The following USP44 variants were observed in gnomAD, a reference collection of about 807,000 sequenced individuals.
USP44 encodes the protein ubiquitin specific peptidase 44.
A neutral mutation model predicts 69.0 loss-of-function variants in USP44; 61 were observed. The ratio of observed to expected loss-of-function variants is 0.88; its 90% CI spans 0.72 to 1.09. The LOEUF (loss-of-function observed/expected upper bound fraction) is 1.09. Ranked by LOEUF, USP44 falls within the 50% of genes least tolerant of loss-of-function variation. USP44 has a pLI of 0.00. For missense variants in USP44, 753 were observed against 849.9 expected, an observed-to-expected ratio of 0.89 and a Z score of 1.42; for synonymous variants, 297 against 295.4, an observed-to-expected ratio of 1.01 and a Z score of -0.06.
rs551405249 is a variant in USP44 at position 95,550,175 on chromosome 12, C to A, written c.-71+1097G>T. Among the ~76,000 whole-genome samples, 4 of 129,384 alleles carry A rather than the reference C, an allele frequency of 3.1e-5. No individual in the cohort carries two copies. In the South Asian group the frequency reaches 8.7e-4, roughly 28 times the overall value. The allele number at this position is 129,384 out of a possible 152,430, so 84.9% of individuals were successfully genotyped here. On this transcript the variant is annotated intron_variant, in intron 1 of 5. Transcript: ENST00000258499. The stretch of plus-strand genomic sequence containing the variant: ...CCTGGGCAGCAACAAGAGCGAAACT[C>A]CGTCTCAGAAAAAAAAAAAAAAAAA...
At chr12:95,524,141 T>G (rs573415204) in intron 4 of USP44, among the ~76,000 whole-genome samples, 1 of 151,978 alleles carries the variant, frequency 6.6e-6, no homozygotes, top group Non-Finnish European at 1.5e-5. Context: ...AGTGCAACAG[T>G]GCGATATCGG....
chr12:95,531,830 A>T (rs1046068661), intron 2 of USP44, among the ~76,000 whole-genome samples: 13 of 152,328 alleles, frequency 8.5e-5, no homozygotes, highest in Admixed American at 5.9e-4. Context: ...TATAAAAAAA[A>T]TTTTGTTTAA....
intron 1 of USP44, among the ~76,000 whole-genome samples, chr12:95,536,694 T>C (rs533032780): frequency 3.0e-4 from 46 of 152,296 alleles, no homozygotes; most frequent in African/African-American, 9.9e-4. Flanking sequence ...ATTACTGCAG[T>C]AAGGCTCCCA....
chr12:95,546,913 T>A (rs576852184), intron 1 of USP44: 38 of 152,276 alleles, frequency 2.5e-4, no homozygotes, highest in Middle Eastern at 3.4e-3. Flanking sequence ...AACGCTGTAA[T>A]AGATTCAAGT....
rs56348745 is a variant in USP44 at position 95,520,007 on chromosome 12, CAAAAAAAAAAAAAAAAA to C, written c.1939+973_1939+989del. Among the ~76,000 whole-genome samples the C allele has an allele frequency of 2.3e-4, 8 of 34,528 alleles. 1 individual carries two copies. The highest frequency in any genetic ancestry group is 1.3e-3 in the Admixed American group (3 of 2,330). The allele number at this position is 34,528 out of a possible 152,430, so 22.7% of individuals were successfully genotyped here. ...CAGGGGAAAGAGTGAGACTCTGTCT[CAAAAAAAAAAAAAAAAA>C]AAAAAAAAAAAAGCCAATAGTGTAC... On this transcript the variant is annotated intron_variant, in intron 5 of 5. Transcript: ENST00000258499.
rs528746141 is a variant in USP44 at position 95,543,262 on chromosome 12, G to C, written c.-71+8010C>G. On this transcript the variant is annotated intron_variant, in intron 1 of 5. Coordinates refer to ENST00000258499, the MANE Select transcript of USP44 (RefSeq NM_032147.5). ...CTAAAAATACAAAAATTAGCCGGGCGTGGTGGCACGCATCTGTAGTCCCAG... is the reference window on the plus strand; with the variant it reads ...CTAAAAATACAAAAATTAGCCGGGCCTGGTGGCACGCATCTGTAGTCCCAG... 3.3e-5 allele frequency among the ~76,000 whole-genome samples: 5 copies of C among 150,408 alleles called. No individual in the cohort carries two copies. In the East Asian group the frequency reaches 9.9e-4, roughly 30 times the overall value.
In USP44 at chr12:95,528,871, C is replaced by T. The variant is rs988117744; in HGVS notation, c.1560G>A (p.Met520Ile). 11 of 1,613,894 alleles carry T rather than the reference C, an allele frequency of 6.8e-6. No individual in the cohort carries two copies. The Admixed American group carries it at 8.3e-5, about 12-fold the overall frequency. The change falls in exon 3 of 6, where the codon ATG becomes ATA. Residue 520 changes from methionine to isoleucine, a missense_variant. Coordinates refer to ENST00000258499, the MANE Select transcript of USP44 (RefSeq NM_032147.5). ...IASQPCLVTE[M>I]LAKFTETEAL... The stretch of plus-strand genomic sequence containing the variant: ...CTTCAGTTTCTGTAAATTTGGCCAA[C>T]ATTTCAGTAACCAGACATGGCTGGG...
chr12:95,527,818 T>C (rs1194565735), intron 3 of USP44, among the ~76,000 whole-genome samples: 1 of 150,372 alleles, frequency 6.7e-6, no homozygotes, highest in Non-Finnish European at 1.5e-5. Context: ...TTATACACTG[T>C]TTCCTTGGAG....
intron 1 of USP44, among the ~76,000 whole-genome samples, chr12:95,541,874 ATTTT>A (rs34060895): frequency 1.3e-4 from 13 of 99,554 alleles, no homozygotes; most frequent in Non-Finnish European, 2.2e-4. Flanking sequence ...TATCATCTCC[ATTTT>A]TTTTTTTTTT....
Position 95,521,083 on chromosome 12 carries a change from A to G in USP44, c.1853T>C (p.Ile618Thr). The change falls in exon 5 of 6, where the codon ATC (isoleucine) becomes ACC (threonine). Residue 618 changes from isoleucine (I) to threonine (T), a missense_variant. Transcript: ENST00000258499. ...CATCACCACCGCGGACAAGTCATAG[A>G]TAAAGCATTCTGGTCTGAGGGATTT... Reference protein sequence around the residue: ...TLKSLRPECFIYDLSAVVMHH... With the variant: ...TLKSLRPECFTYDLSAVVMHH... 1.2e-6 allele frequency: 2 copies of G among 1,614,212 alleles called. No individual in the cohort carries two copies. Among genetic ancestry groups the G allele is most frequent in the Admixed American group, 3.3e-5 (2 of 60,030 alleles).
At chr12:95,532,482 C>T (rs1231015931) in intron 2 of USP44, among the ~76,000 whole-genome samples, 6 of 151,958 alleles carry the variant, frequency 3.9e-5, no homozygotes, top group Non-Finnish European at 8.8e-5. Flanking sequence ...GCACCATTTT[C>T]ATCCCGAGAA....
At chr12:95,544,738 GA>G (rs896635704) in intron 1 of USP44, among the ~76,000 whole-genome samples, 1 of 151,762 alleles carries the variant, frequency 6.6e-6, no homozygotes, top group Non-Finnish European at 1.5e-5. Context: ...GAAAAATAAA[GA>G]AAAAAAGAAT....
At chr12:95,543,730 G>A (rs996362994) in intron 1 of USP44, among the ~76,000 whole-genome samples, 4 of 151,758 alleles carry the variant, frequency 2.6e-5, no homozygotes, top group African/African-American at 9.7e-5. Flanking sequence ...ACTTTGGGAG[G>A]CTGAGGCGGG....
At chr12:95,546,263 G>A (rs2077567371) in intron 1 of USP44, among the ~76,000 whole-genome samples, 1 of 152,124 alleles carries the variant, frequency 6.6e-6, no homozygotes, top group South Asian at 2.1e-4. Flanking sequence ...TGTGTAAAAT[G>A]CCTAGACTCT....
chr12:95,532,262 G>T (rs1317940340), intron 2 of USP44, among the ~76,000 whole-genome samples: 1 of 150,522 alleles, frequency 6.6e-6, no homozygotes, highest in Non-Finnish European at 1.5e-5. Flanking sequence ...CCACCTCCTG[G>T]GTTCAAGCGA....
chr12:95,519,447 T>G (rs915742200), intron 5 of USP44, among the ~76,000 whole-genome samples: 4 of 139,634 alleles, frequency 2.9e-5, no homozygotes, highest in African/African-American at 1.1e-4. Context: ...TTTTTTTTTT[T>G]TTTTTTTTTT....
intron 1 of USP44, among the ~76,000 whole-genome samples, chr12:95,539,265 A>G (rs544214848): frequency 5.0e-4 from 73 of 146,310 alleles, no homozygotes; most frequent in African/African-American, 1.8e-3. Flanking sequence ...TTGCTCTGTC[A>G]ACCAGGCTGG....
At chr12:95,549,804 T>G (rs2077690041) in intron 1 of USP44, among the ~76,000 whole-genome samples, 1 of 152,168 alleles carries the variant, frequency 6.6e-6, no homozygotes, top group African/African-American at 2.4e-5. Context: ...CACAAAGGTA[T>G]TCACAGCATA....
intron 2 of USP44, among the ~76,000 whole-genome samples, chr12:95,530,868 A>G (rs1303162587): frequency 6.6e-6 from 1 of 152,086 alleles, no homozygotes; most frequent in African/African-American, 2.4e-5. Context: ...AAGTTACGGT[A>G]TAAACATACG....
Sources: gnomAD v4.1 joint callset for allele counts (sites outside exome capture counted in the v4.1 genomes callset) on GRCh38, gnomAD v4.1.1 for gene constraint, MANE v1.5 for transcripts, NCBI Gene and HGNC (gene_info 2026-07-23, HGNC 2026-07-21) for gene names.